Variants in ZNF654 observed in about 807,000 individuals in gnomAD.
The protein encoded by ZNF654 is zinc finger protein 654.
A neutral mutation model predicts 95.3 loss-of-function variants in ZNF654; 19 were observed. That is an observed-to-expected ratio of 0.20 (90% CI 0.14 to 0.29). ZNF654 has a LOEUF of 0.29. Ranked by LOEUF, ZNF654 falls within the 10% of genes least tolerant of loss-of-function variation. The pLI is 1.00. For synonymous variants in ZNF654, 413 were observed against 457.9 expected, an observed-to-expected ratio of 0.90 and a Z score of 1.25; for missense variants, 1,046 against 1,341.0, an observed-to-expected ratio of 0.78 and a Z score of 3.44.
intron 3 of ZNF654, among the ~76,000 whole-genome samples, chr3:88,121,432 C>A (rs1705762533): frequency 6.6e-6 from 1 of 152,084 alleles, no homozygotes; most frequent in Non-Finnish European, 1.5e-5. Context: ...CATTTTAAAT[C>A]ATTTTCTTTG....
intron 1 of ZNF654, among the ~76,000 whole-genome samples, chr3:88,073,461 G>A (rs2107621118): frequency 6.6e-6 from 1 of 152,272 alleles, no homozygotes; most frequent in South Asian, 2.1e-4. Context: ...AAGAATGAAA[G>A]TCTACATAAA....
chr3:88,069,637 T>C (rs149133933), intron 1 of ZNF654, among the ~76,000 whole-genome samples: 2 of 152,358 alleles, frequency 1.3e-5, no homozygotes, highest in East Asian at 1.9e-4. Flanking sequence ...ATCAGGACTT[T>C]TCTGCTACTT....
Position 88,141,786 on chromosome 3 carries a change from A to G in ZNF654, c.*134A>G, listed in dbSNP as rs928808387. On this transcript the variant is annotated 3_prime_UTR_variant, in exon 9 of 9. Coordinates refer to ENST00000636215, the MANE Select transcript of ZNF654 (RefSeq NM_001350134.2). ...GTCTTGGATTACTAAAGATAAAGACAAAGCACATTTTCTAGAATGAACTCA... is the reference window on the plus strand; with the variant it reads ...GTCTTGGATTACTAAAGATAAAGACGAAGCACATTTTCTAGAATGAACTCA... 2.8e-5 allele frequency: 17 copies of G among 606,796 alleles called. No individual in the cohort carries two copies. The African/African-American group carries it at 3.2e-4, about 11-fold the overall frequency. 37.6% of individuals were successfully genotyped at this position (606,796 alleles called of 1,614,324 possible).
chr3:88,098,604 C>A (rs1173327500), intron 2 of ZNF654, among the ~76,000 whole-genome samples: 3 of 152,142 alleles, frequency 2.0e-5, no homozygotes, highest in African/African-American at 7.2e-5. Context: ...CAAACTGAAT[C>A]CAGCAGCACA....
chr3:88,140,058 G>A lies in ZNF654; in HGVS notation c.2389G>A (p.Glu797Lys). ...ATGCAAATTTTGTCAAAGGCAATTT[G>A]AAGATTCTCAACATTTTATAGACCA... ...GKCKFCQRQFEDSQHFIDHLN... is the reference protein window; with the variant it reads ...GKCKFCQRQFKDSQHFIDHLN... Residue 797 changes from glutamate to lysine, a missense_variant, in exon 8 of 9, where the codon GAA becomes AAA. By Grantham distance (56) the Glu-to-Lys change is moderately conservative (BLOSUM62 1). This residue lies in a region of ZNF654 where 495 missense variants were observed against 537.0 expected (regional missense o/e 0.92). Coordinates refer to ENST00000636215, the MANE Select transcript of ZNF654 (RefSeq NM_001350134.2). 6.2e-7 allele frequency: 1 copy of A among 1,613,750 alleles called. No individual in the cohort carries two copies. The highest frequency in any genetic ancestry group is 1.1e-5 in the South Asian group (1 of 91,072).
chr3:88,123,638 C>A (rs1022827334), intron 3 of ZNF654, among the ~76,000 whole-genome samples: 3 of 152,272 alleles, frequency 2.0e-5, no homozygotes, highest in African/African-American at 7.2e-5. Flanking sequence ...TTTCAGCCAA[C>A]TTCAGGAAGT....
intron 1 of ZNF654, among the ~76,000 whole-genome samples, chr3:88,065,474 A>G (rs1251885292): frequency 6.6e-6 from 1 of 152,192 alleles, no homozygotes; most frequent in Non-Finnish European, 1.5e-5. Flanking sequence ...AAGAATATTT[A>G]TTCATACGAG....
chr3:88,109,192 C>T (rs555233226), intron 2 of ZNF654, among the ~76,000 whole-genome samples: 1 of 129,788 alleles, frequency 7.7e-6, no homozygotes, highest in African/African-American at 2.7e-5. Context: ...TGAAGAAAAC[C>T]GTTAACTTTT....
At chr3:88,076,584 G>GTT (rs1015810988) in intron 1 of ZNF654, among the ~76,000 whole-genome samples, 2 of 151,462 alleles carry the variant, frequency 1.3e-5, no homozygotes, top group African/African-American at 4.9e-5. Flanking sequence ...GTTTTGTTTT[G>GTT]TTTTGTTTTA....
intron 2 of ZNF654, among the ~76,000 whole-genome samples, chr3:88,099,109 C>T (rs1704242585): frequency 6.6e-6 from 1 of 152,166 alleles, no homozygotes; most frequent in East Asian, 1.9e-4. Context: ...CCAAAATCTC[C>T]TTAAGCTGAT....
chr3:88,113,886 G>A (rs1040089410), intron 3 of ZNF654, among the ~76,000 whole-genome samples: 5 of 152,120 alleles, frequency 3.3e-5, no homozygotes, highest in African/African-American at 1.2e-4. Context: ...TATTAGGTAC[G>A]TTATATTGAA....
Position 88,140,225 on chromosome 3 carries a change from T to C in ZNF654, c.2556T>C (p.His852=). The C allele has an allele frequency of 6.2e-7, 1 of 1,612,138 alleles. No homozygotes were observed. Among genetic ancestry groups the C allele is most frequent in the Non-Finnish European group, 8.5e-7 (1 of 1,179,128 alleles). Residue 852 remains histidine, a synonymous_variant, in exon 8 of 9, where the codon CAT becomes CAC. Coordinates refer to ENST00000636215, the MANE Select transcript of ZNF654 (RefSeq NM_001350134.2). ...CTCAGTGTAGTTTTCCAGAATGCCA[T>C]GAGCTTTTTGAAGATCTTCCTCTGC... The part of the protein sequence containing the change: ...FQAQCSFPEC[H]ELFEDLPLLY...
chr3:88,070,732 G>T (rs1376940467), intron 1 of ZNF654, among the ~76,000 whole-genome samples: 2 of 152,048 alleles, frequency 1.3e-5, no homozygotes, highest in Non-Finnish European at 2.9e-5. Flanking sequence ...AAGTATGTCA[G>T]TTCCTGTCCT....
At chr3:88,135,600 A>G (rs1249614642) in intron 7 of ZNF654, 1 of 153,180 alleles carries the variant, frequency 6.5e-6, no homozygotes, top group Non-Finnish European at 1.5e-5. Flanking sequence ...GTGTAAGGGA[A>G]CAATGAATTC....
intron 3 of ZNF654, among the ~76,000 whole-genome samples, chr3:88,122,738 G>A (rs1325146563): frequency 6.6e-6 from 1 of 151,906 alleles, no homozygotes; most frequent in Non-Finnish European, 1.5e-5. Context: ...GGCTGGGTAC[G>A]GTGGCTCATA....
Position 88,140,254 on chromosome 3 carries a change from A to T in ZNF654, c.2585A>T (p.Tyr862Phe). ...HELFEDLPLL[Y>F]EHEAQHYLSK... ...CTTTTTGAAGATCTTCCTCTGCTGTATGAACATGAAGCTCAACACTATTTA... is the reference window on the plus strand; with the variant it reads ...CTTTTTGAAGATCTTCCTCTGCTGTTTGAACATGAAGCTCAACACTATTTA... The change falls in exon 8 of 9, where the codon TAT (tyrosine) becomes TTT (phenylalanine). Residue 862 changes from tyrosine to phenylalanine, a missense_variant. Around this residue, in one of 9 missense-constraint regions of ZNF654, gnomAD observed 495 missense variants for 537.0 expected, o/e 0.92. Coordinates refer to ENST00000636215, the MANE Select transcript of ZNF654 (RefSeq NM_001350134.2). 6.2e-7 allele frequency: 1 copy of T among 1,613,876 alleles called. No homozygotes were observed. The highest frequency in any genetic ancestry group is 8.5e-7 in the Non-Finnish European group (1 of 1,179,796).
chr3:88,074,338 A>G (rs1307412033), intron 1 of ZNF654, among the ~76,000 whole-genome samples: 2 of 120,802 alleles, frequency 1.7e-5, no homozygotes, highest in Non-Finnish European at 3.4e-5. Context: ...CTCTTTTTAT[A>G]TCTTACTTTT....
chr3:88,126,917 A>T (rs749041306), intron 4 of ZNF654, among the ~76,000 whole-genome samples: 6 of 151,990 alleles, frequency 3.9e-5, no homozygotes, highest in Non-Finnish European at 5.9e-5. Flanking sequence ...CTTTGATATC[A>T]CCTCCTGTCC....
intron 1 of ZNF654, among the ~76,000 whole-genome samples, chr3:88,068,050 T>C (rs1398022128): frequency 6.6e-6 from 1 of 152,080 alleles, no homozygotes; most frequent in South Asian, 2.1e-4. Context: ...TGGAGGGGTG[T>C]TGCTTTATAT....
Sources: gnomAD v4.1 joint callset for allele counts (sites outside exome capture counted in the v4.1 genomes callset) on GRCh38, gnomAD v4.1.1 for gene constraint, gnomAD v4.1.1 regional missense constraint, MANE v1.5 for transcripts, NCBI Gene and HGNC (gene_info 2026-07-23, HGNC 2026-07-21) for gene names.